The following GDF11 variants were observed in gnomAD, a reference collection of about 807,000 sequenced individuals.
The protein encoded by GDF11 is growth differentiation factor 11, also known as growth/differentiation factor 11.
A neutral mutation model predicts 34.4 loss-of-function variants in GDF11; 12 were observed. The observed-to-expected ratio is 0.35, with a 90% confidence interval of 0.22 to 0.57. GDF11 has a LOEUF of 0.57. Ranked by LOEUF, GDF11 falls within the 20% of genes least tolerant of loss-of-function variation. The pLI, the probability that GDF11 is intolerant of heterozygous loss-of-function variation, is 0.86. For synonymous variants in GDF11, 212 were observed against 231.1 expected (o/e 0.92, Z 0.75); for missense variants, 346 against 548.2 (o/e 0.63, Z 3.68).
chr12:55,743,418 GGCGGCGGCGGCGGCA>G lies in GDF11; in HGVS notation c.110_124del (p.Ala37_Ala41del), dbSNP rs901727853. 1.9e-6 allele frequency: 2 copies of G among 1,041,232 alleles called. No individual in the cohort carries two copies. The highest frequency in any genetic ancestry group is 1.7e-5 in the African/African-American group (1 of 57,874). The allele number at this position is 1,041,232 out of a possible 1,614,324, so 64.5% of individuals were successfully genotyped here. The stretch of plus-strand genomic sequence containing the variant: ...AGGGCCCCGCGGCGGCGGCGGCGGC[GGCGGCGGCGGCGGCA>G]GCGGCGGGGGTCGGGGGGGAGCGCT... On this transcript the variant is annotated inframe_deletion, in exon 1 of 3. Coordinates refer to ENST00000257868, the MANE Select transcript of GDF11 (RefSeq NM_005811.5).
rs1483438846 is a variant in GDF11 at position 55,755,182 on chromosome 12, T to C, written c.*5300T>C. The C allele has an allele frequency of 6.6e-6, 1 of 152,102 alleles. No individual in the cohort carries two copies. Among genetic ancestry groups the C allele is most frequent in the Non-Finnish European group, 1.5e-5 (1 of 68,020 alleles). The allele number at this position is 152,102 out of a possible 1,614,324, so 9.4% of individuals were successfully genotyped here. A position where few individuals can be genotyped will look rare whatever the true frequency, so the allele number is the denominator to read the frequency against. On this transcript the variant is annotated 3_prime_UTR_variant, in exon 3 of 3. Coordinates refer to ENST00000257868, the MANE Select transcript of GDF11 (RefSeq NM_005811.5). ...AAAAAGTTATCCTCCCTTAAGTTCCTCCCTCACTCCTCATATCAGACACAG... is the reference window on the plus strand; with the variant it reads ...AAAAAGTTATCCTCCCTTAAGTTCCCCCCTCACTCCTCATATCAGACACAG...
chr12:55,744,946 G>A (rs1276969322), intron 1 of GDF11, among the ~76,000 whole-genome samples: 1 of 152,204 alleles, frequency 6.6e-6, no homozygotes, highest in Non-Finnish European at 1.5e-5. Context: ...GAGGCTGAGT[G>A]CCTCACACTG....
intron 1 of GDF11, 61 bp downstream of exon 1, chr12:55,743,822 T>C: frequency 7.4e-7 from 1 of 1,357,170 alleles, no homozygotes; most frequent in Non-Finnish European, 9.9e-7. Context: ...AAGGGCGCCT[T>C]CTGCTCCAAG....
At position 55,756,693 on chromosome 12, in the gene GDF11, T is replaced by G. The variant is rs895865224; in HGVS notation, c.*6811T>G. On this transcript the variant is annotated 3_prime_UTR_variant, in exon 3 of 3. Transcript: ENST00000257868. ...ATGAACTTGAAGCCTCCAGTTCCAC[T>G]GCTTATGTTCCCAATGATTTAGCTA... 4.6e-5 allele frequency: 7 copies of G among 152,260 alleles called. No individual in the cohort carries two copies. The highest frequency in any genetic ancestry group is 1.7e-4 in the African/African-American group (7 of 41,468). The allele number at this position is 152,260 out of a possible 1,614,324, so 9.4% of individuals were successfully genotyped here.
chr12:55,753,551 T>C lies in GDF11; in HGVS notation c.*3669T>C, dbSNP rs1315979867. 6.6e-6 allele frequency: 1 copy of C among 151,960 alleles called. No homozygotes were observed. The highest frequency in any genetic ancestry group is 1.5e-5 in the Non-Finnish European group (1 of 67,992). 9.4% of individuals were successfully genotyped at this position (151,960 alleles called of 1,614,324 possible). ...TTGGGGGGCCGAGGCGGGCGGATCA[T>C]GCAAGGTCCGGAGTTCGAGACCATG... On this transcript the variant is annotated 3_prime_UTR_variant, in exon 3 of 3. Transcript: ENST00000257868.
At position 55,748,271 on chromosome 12, in the gene GDF11, T is replaced by C. The variant is rs1878225822; in HGVS notation, c.446-315T>C. On this transcript the variant is annotated intron_variant, in intron 1 of 2. Transcript: ENST00000257868. The surrounding 1 kb of genome is among the most constrained non-coding windows in gnomAD (Gnocchi z 5.6). ...AGATTCAGAAAATGTTGGAGCCTTA[T>C]ATGCTGGGAAAAGTTGGACAGTAAG... 6.6e-6 allele frequency among the ~76,000 whole-genome samples: 1 copy of C among 152,218 alleles called. No homozygotes were observed. The highest frequency in any genetic ancestry group is 1.5e-5 in the Non-Finnish European group (1 of 68,038).
At position 55,748,572 on chromosome 12, in the gene GDF11, TTC is replaced by T; in HGVS notation, c.446-8_446-7del. ...AACACCCTTTGCTGATGCTGTGCCC[TTC>T]TCTCTTATCAGCGGACCCAGCAGTA... On this transcript the variant is annotated splice_polypyrimidine_tract_variant and intron_variant, in intron 1 of 2. Coordinates refer to ENST00000257868, the MANE Select transcript of GDF11 (RefSeq NM_005811.5). The surrounding 1 kb of genome is among the most constrained non-coding windows in gnomAD (Gnocchi z 5.6). The T allele has an allele frequency of 1.3e-6, 2 of 1,592,380 alleles. No individual in the cohort carries two copies. Among genetic ancestry groups the T allele is most frequent in the Non-Finnish European group, 1.7e-6 (2 of 1,166,546 alleles).
Position 55,756,352 on chromosome 12 carries a change from A to G in GDF11, c.*6470A>G, listed in dbSNP as rs1326092460. 2.0e-5 allele frequency: 3 copies of G among 152,220 alleles called. No individual in the cohort carries two copies. The highest frequency in any genetic ancestry group is 3.8e-4 in the East Asian group (2 of 5,200). The allele number at this position is 152,220 out of a possible 1,614,324, so 9.4% of individuals were successfully genotyped here. ...AAGGCACAATTTTTCTAAATTATCT[A>G]AACTTTAGGTCCCTGCTTTCCTCAC... On this transcript the variant is annotated 3_prime_UTR_variant, in exon 3 of 3. Coordinates refer to ENST00000257868, the MANE Select transcript of GDF11 (RefSeq NM_005811.5).
At chr12:55,747,995 G>A (rs912511359) in intron 1 of GDF11, among the ~76,000 whole-genome samples, 5 of 152,206 alleles carry the variant, frequency 3.3e-5, no homozygotes, top group African/African-American at 1.2e-4. Context: ...CCATTTTGCT[G>A]GGTGTTATTC....
At position 55,748,923 on chromosome 12, in the gene GDF11, C is replaced by T. The variant is rs922930513; in HGVS notation, c.783C>T (p.Ala261=). ...GCAACTGGGGCATCGAGATCAACGC[C>T]TTTGATCCCAGTGGCACAGACCTGG... ...PQSNWGIEIN[A]FDPSGTDLAV... The change falls in exon 2 of 3, where the codon GCC becomes GCT. Residue 261 remains alanine, a synonymous_variant. Transcript: ENST00000257868. This position sits in a 1 kb window ranked among gnomAD's most constrained non-coding sequence, Gnocchi z 5.6. 3.7e-6 allele frequency: 6 copies of T among 1,604,800 alleles called. No homozygotes were observed. The highest frequency in any genetic ancestry group is 2.2e-5 in the East Asian group (1 of 44,876).
Position 55,749,991 on chromosome 12 carries a change from A to G in GDF11, c.*109A>G, listed in dbSNP as rs1039799778. ...CCTCCACTCTTCCCGCGAACATCAC[A>G]CCGTTCCCCGACCAAGCCGTGTGCA... On this transcript the variant is annotated 3_prime_UTR_variant, in exon 3 of 3. Coordinates refer to ENST00000257868, the MANE Select transcript of GDF11 (RefSeq NM_005811.5). The surrounding 1 kb of genome is among the most constrained non-coding windows in gnomAD (Gnocchi z 5.6). 1.1e-6 allele frequency: 1 copy of G among 951,076 alleles called. No individual in the cohort carries two copies. Among genetic ancestry groups the G allele is most frequent in the African/African-American group, 1.6e-5 (1 of 61,186 alleles). The allele number at this position is 951,076 out of a possible 1,614,324, so 58.9% of individuals were successfully genotyped here.
chr12:55,755,630 AC>A lies in GDF11; in HGVS notation c.*5749del, dbSNP rs1332276948. On this transcript the variant is annotated 3_prime_UTR_variant, in exon 3 of 3. Coordinates refer to ENST00000257868, the MANE Select transcript of GDF11 (RefSeq NM_005811.5). ...CTCCAAACGGAATTACTATTTTAAAACTGAATTGGGAAAAAGGCATCCTGAA... is the reference window on the plus strand; with the variant it reads ...CTCCAAACGGAATTACTATTTTAAAATGAATTGGGAAAAAGGCATCCTGAA... 1.3e-5 allele frequency: 2 copies of A among 152,296 alleles called. No homozygotes were observed. Among genetic ancestry groups the A allele is most frequent in the East Asian group, 3.9e-4 (2 of 5,180 alleles). The allele number at this position is 152,296 out of a possible 1,614,324, so 9.4% of individuals were successfully genotyped here.
intron 1 of GDF11, among the ~76,000 whole-genome samples, chr12:55,744,625 TCCAGGCGAATACTACA>T (rs1878140376): frequency 6.6e-6 from 1 of 151,696 alleles, no homozygotes; most frequent in African/African-American, 2.4e-5. Context: ...GCCTGGAAAA[TCCAGGCGAATACTACA>T]CCCCCCCTTT....
chr12:55,749,730 T>C lies in GDF11; in HGVS notation c.1072T>C (p.Leu358=), dbSNP rs1878263721. 2 of 1,614,154 alleles carry C rather than the reference T, an allele frequency of 1.2e-6. No homozygotes were observed. The highest frequency in any genetic ancestry group is 1.7e-5 in the Admixed American group (1 of 60,026). ...CATGCAAAAATATCCGCATACCCAT[T>C]TGGTGCAGCAGGCCAATCCAAGAGG... The part of the protein sequence containing the change: ...MFMQKYPHTH[L]VQQANPRGSA... Residue 358 remains leucine, a synonymous_variant, in exon 3 of 3, where the codon TTG becomes CTG. Transcript: ENST00000257868. This position sits in a 1 kb window ranked among gnomAD's most constrained non-coding sequence, Gnocchi z 5.6.
chr12:55,747,574 T>C (rs1408661292), intron 1 of GDF11, among the ~76,000 whole-genome samples: 1 of 152,146 alleles, frequency 6.6e-6, no homozygotes. Flanking sequence ...AGACATGTTG[T>C]AGGACACTCC....
chr12:55,751,125 G>T lies in GDF11; in HGVS notation c.*1243G>T, dbSNP rs920429635. ...ACCAAGGTGGGAAGGATTCTGGAAG[G>T]GGGACATTTTAGTCTCCTAACCCCA... is the stretch of plus-strand genomic sequence containing the variant. On this transcript the variant is annotated 3_prime_UTR_variant, in exon 3 of 3. Transcript: ENST00000257868. 6.6e-6 allele frequency: 1 copy of T among 152,262 alleles called. No homozygotes were observed. Among genetic ancestry groups the T allele is most frequent in the African/African-American group, 2.4e-5 (1 of 41,444 alleles). 9.4% of individuals were successfully genotyped at this position (152,262 alleles called of 1,614,324 possible). A position where few individuals can be genotyped will look rare whatever the true frequency, so the allele number is the denominator to read the frequency against.
Position 55,748,219 on chromosome 12 carries a change from AGGTATG to A in GDF11, c.446-365_446-360del. ...ATGGAAGGGCAGCAGGTGTGATAAG[AGGTATG>A]GCTTCTATAAAGAGCTTCAAAGATT... On this transcript the variant is annotated intron_variant, in intron 1 of 2. Coordinates refer to ENST00000257868, the MANE Select transcript of GDF11 (RefSeq NM_005811.5). This position sits in a 1 kb window ranked among gnomAD's most constrained non-coding sequence, Gnocchi z 5.6. 6.6e-6 allele frequency among the ~76,000 whole-genome samples: 1 copy of A among 152,330 alleles called. No individual in the cohort carries two copies. Among genetic ancestry groups the A allele is most frequent in the African/African-American group, 2.4e-5 (1 of 41,574 alleles).
In GDF11 at chr12:55,748,754, G is replaced by A; in HGVS notation, c.614G>A (p.Gly205Glu). 1 of 1,614,228 alleles carries A rather than the reference G, an allele frequency of 6.2e-7. No homozygotes were observed. Among genetic ancestry groups the A allele is most frequent in the Non-Finnish European group, 8.5e-7 (1 of 1,180,050 alleles). Residue 205 changes from glycine (G) to glutamate (E), a missense_variant, in exon 2 of 3, where the codon GGG (glycine) becomes GAG (glutamate). Gly to Glu is a moderately conservative substitution (Grantham distance 98, BLOSUM62 -2). This residue lies in a region of GDF11 where 205 missense variants were observed against 311.3 expected (regional missense o/e 0.66). Transcript: ENST00000257868. This position sits in a 1 kb window ranked among gnomAD's most constrained non-coding sequence, Gnocchi z 5.6. ...LQILRLKPLT[G>E]EGTAGGGGGG... ...ATCTTGCGACTAAAACCCCTAACTG[G>A]GGAAGGGACCGCAGGGGGAGGGGGC...
rs553490928 is a variant in GDF11, at chr12:55,751,907, T to G, written c.*2025T>G. ...ATGACTCTCCCCCTTGGCCAGTTGG[T>G]GGAAGGGGCAAAGGTATGTGACCAC... On this transcript the variant is annotated 3_prime_UTR_variant, in exon 3 of 3. Transcript: ENST00000257868. The G allele has an allele frequency of 3.3e-5, 5 of 152,386 alleles. No homozygotes were observed. The South Asian group carries it at 1.0e-3, about 32-fold the overall frequency. The allele number at this position is 152,386 out of a possible 1,614,324, so 9.4% of individuals were successfully genotyped here. A position where few individuals can be genotyped will look rare whatever the true frequency, so the allele number is the denominator to read the frequency against.
Sources: gnomAD v4.1 joint callset for allele counts (sites outside exome capture counted in the v4.1 genomes callset) on GRCh38, gnomAD v4.1.1 for gene constraint, gnomAD v4.1.1 regional missense constraint, Gnocchi (gnomAD v3.1) non-coding constraint, MANE v1.5 for transcripts, NCBI Gene and HGNC (gene_info 2026-07-23, HGNC 2026-07-21) for gene names.